Variants in GCSAML observed in about 807,000 individuals in gnomAD.
GCSAML encodes germinal center-associated signaling and motility-like protein.
A neutral mutation model predicts 13.0 loss-of-function variants in GCSAML; 9 were observed. The ratio of observed to expected loss-of-function variants is 0.69; its 90% CI spans 0.42 to 1.21. The LOEUF (loss-of-function observed/expected upper bound fraction) is 1.21. Ranked by LOEUF, GCSAML falls within the 50% of genes most tolerant of loss-of-function variation. The probability of loss-of-function intolerance (pLI) is 0.00; values close to 1 mark genes in which losing one functional copy is unlikely to be tolerated. For missense variants in GCSAML, 143 were observed against 153.4 expected (o/e 0.93, Z 0.36); for synonymous variants, 37 against 52.9 (o/e 0.70, Z 1.31).
intron 2 of GCSAML, among the ~76,000 whole-genome samples, chr1:247,542,051 A>G (rs1280996701): frequency 6.6e-6 from 1 of 152,024 alleles, no homozygotes; most frequent in Non-Finnish European, 1.5e-5. Flanking sequence ...AAAGATGAAT[A>G]GACAAACTAA....
intron 1 of GCSAML, among the ~76,000 whole-genome samples, chr1:247,522,306 CTCCACCTGGCCGCCG>C (rs1666477193): frequency 7.0e-6 from 1 of 143,244 alleles, no homozygotes; most frequent in African/African-American, 2.5e-5. Flanking sequence ...TGGGGGGCGC[CTCCACCTGGCCGCCG>C]CCCCGTCTGG....
At chr1:247,549,252 G>A (rs1171627196) in intron 1 of GCSAML, 32 bp downstream of exon 1, 1 of 1,582,620 alleles carries the variant, frequency 6.3e-7, no homozygotes, top group Admixed American at 1.7e-5. Context: ...CGCCTTTCTT[G>A]GGAGAAAGAG....
chr1:247,556,514 T>A, intron 2 of GCSAML, 48 bp downstream of exon 2: 1 of 1,380,482 alleles, frequency 7.2e-7, no homozygotes, highest in Non-Finnish European at 1.0e-6. Flanking sequence ...TTGTTTTGTT[T>A]TTTCATTGAG....
chr1:247,532,817 G>A (rs1327051867), intron 2 of GCSAML, among the ~76,000 whole-genome samples: 2 of 151,750 alleles, frequency 1.3e-5, no homozygotes, highest in South Asian at 2.1e-4. Context: ...CAGCTACGTG[G>A]ATGGCATTGC....
chr1:247,542,288 TAA>T (rs918829398), intron 2 of GCSAML, among the ~76,000 whole-genome samples: 1 of 151,924 alleles, frequency 6.6e-6, no homozygotes, highest in African/African-American at 2.4e-5. Flanking sequence ...CCTTGTCTTT[TAA>T]AAAAAGGAAG....
At chr1:247,516,591 C>T (rs1160433811) in intron 1 of GCSAML, among the ~76,000 whole-genome samples, 1 of 147,540 alleles carries the variant, frequency 6.8e-6, no homozygotes, top group Non-Finnish European at 1.5e-5. Flanking sequence ...GATCTAACTG[C>T]ACTTTATATA....
At chr1:247,519,996 T>C (rs948203437) in intron 1 of GCSAML, among the ~76,000 whole-genome samples, 1 of 152,228 alleles carries the variant, frequency 6.6e-6, no homozygotes, top group Non-Finnish European at 1.5e-5. Context: ...TTTCAACTCA[T>C]GCATTTTCAC....
At chr1:247,538,745 A>G (rs896359875) in intron 2 of GCSAML, 1 of 456,468 alleles carries the variant, frequency 2.2e-6, no homozygotes, top group African/African-American at 2.0e-5. Flanking sequence ...GTCATCAGAA[A>G]CCAACCCTGA....
At chr1:247,535,978 C>G (rs528050780) in intron 2 of GCSAML, among the ~76,000 whole-genome samples, 1 of 152,276 alleles carries the variant, frequency 6.6e-6, no homozygotes, top group South Asian at 2.1e-4. Flanking sequence ...TAGGCAGTCA[C>G]AAACTGTATC....
chr1:247,574,422 A>G lies in GCSAML; in HGVS notation c.*40A>G. 6.2e-7 allele frequency: 1 copy of G among 1,605,750 alleles called. No homozygotes were observed. ...TTTATCACCTTCCAGCAATGAAGAC[A>G]ATGCAGAATAGCAGACTCTGGCGAA... On this transcript the variant is annotated 3_prime_UTR_variant, in exon 5 of 5. Coordinates refer to ENST00000366488, the MANE Select transcript of GCSAML (RefSeq NM_145278.5).
intron 2 of GCSAML, chr1:247,531,881 G>A (rs369513053): frequency 1.9e-6 from 3 of 1,614,088 alleles, no homozygotes; most frequent in African/African-American, 2.7e-5. Flanking sequence ...AGCCCCAGAG[G>A]CAGGACAACA....
chr1:247,571,860 G>A (rs1214826937), intron 4 of GCSAML, among the ~76,000 whole-genome samples: 1 of 151,884 alleles, frequency 6.6e-6, no homozygotes, highest in East Asian at 1.9e-4. Context: ...TTTGATCTTT[G>A]TTCACATAGT....
chr1:247,511,395 G>A (rs1001586805), intron 1 of GCSAML, among the ~76,000 whole-genome samples: 4 of 151,270 alleles, frequency 2.6e-5, no homozygotes, highest in Admixed American at 1.3e-4. Context: ...CCTTTATTTT[G>A]AGCTTATGTG....
chr1:247,528,888 G>C lies in GCSAML; in HGVS notation c.-148+1834G>C, dbSNP rs1666792403. The C allele has an allele frequency of 1.3e-5, 2 of 152,018 alleles. 1 individual carries two copies. The highest frequency in any genetic ancestry group is 2.9e-5 in the Non-Finnish European group (2 of 68,000). The allele number at this position is 152,018 out of a possible 1,614,324, so 9.4% of individuals were successfully genotyped here. Reference sequence around the variant, plus strand: ...CTGTCTGACATAAATGCCCATGAGAGGGCATCCACTGCAGAGATGGATCTT... The same window carrying C: ...CTGTCTGACATAAATGCCCATGAGACGGCATCCACTGCAGAGATGGATCTT... On this transcript the variant is annotated intron_variant, in intron 2 of 5. Transcript: ENST00000366489.
Position 247,574,353 on chromosome 1 carries a change from CATGATT to C in GCSAML, c.384_389del (p.Asp128_Tyr129del). On this transcript the variant is annotated inframe_deletion, in exon 5 of 5. Coordinates refer to ENST00000366488, the MANE Select transcript of GCSAML (RefSeq NM_145278.5). ...TAGGCCTTGTTCCTGCACCCATGAG[CATGATT>C]ATGAAGTTGTGTTTCCACACTAAAA... is the stretch of plus-strand genomic sequence containing the variant. 2.5e-6 allele frequency: 4 copies of C among 1,614,074 alleles called. No individual in the cohort carries two copies. The highest frequency in any genetic ancestry group is 3.4e-6 in the Non-Finnish European group (4 of 1,179,994).
rs533543403 is a variant in GCSAML, at chr1:247,577,393, G to C, written c.*3011G>C. On this transcript the variant is annotated 3_prime_UTR_variant, in exon 5 of 5. Coordinates refer to ENST00000366488, the MANE Select transcript of GCSAML (RefSeq NM_145278.5). The stretch of plus-strand genomic sequence containing the variant: ...TGCTCCTTTTCCCTGAGTTTCACCA[G>C]TCCTGGCAACCAATGATCTGCTTCG... 6.6e-6 allele frequency: 1 copy of C among 152,282 alleles called. No individual in the cohort carries two copies. Among genetic ancestry groups the C allele is most frequent in the Non-Finnish European group, 1.5e-5 (1 of 68,022 alleles). The allele number at this position is 152,282 out of a possible 1,614,324, so 9.4% of individuals were successfully genotyped here.
chr1:247,570,898 T>C (rs1458708442), intron 4 of GCSAML, among the ~76,000 whole-genome samples: 2 of 152,206 alleles, frequency 1.3e-5, no homozygotes, highest in Non-Finnish European at 2.9e-5. Flanking sequence ...GCTCCTGTAT[T>C]CGGTGCATAT....
chr1:247,514,624 T>C (rs1480106679), intron 1 of GCSAML, among the ~76,000 whole-genome samples: 1 of 152,234 alleles, frequency 6.6e-6, no homozygotes, highest in African/African-American at 2.4e-5. Flanking sequence ...AAGTCTTTGA[T>C]CCATCTTGAG....
intron 1 of GCSAML, 69 bp downstream of exon 1, chr1:247,549,289 C>T (rs754168684): frequency 1.3e-4 from 177 of 1,355,216 alleles, no homozygotes; most frequent in African/African-American, 1.7e-4. Context: ...CTGGACATAA[C>T]GCATTTGTAA....
Sources: gnomAD v4.1 joint callset for allele counts (sites outside exome capture counted in the v4.1 genomes callset) on GRCh38, gnomAD v4.1.1 for gene constraint, MANE v1.5 for transcripts, NCBI Gene and HGNC (gene_info 2026-07-23, HGNC 2026-07-21) for gene names.